The following CTNNA3 variants were observed in gnomAD, a reference collection of about 807,000 sequenced individuals.
CTNNA3 encodes the protein catenin alpha-3.
A neutral mutation model predicts 95.7 loss-of-function variants in CTNNA3; 76 were observed. That is an observed-to-expected ratio of 0.79 (90% CI 0.66 to 0.96). The LOEUF (loss-of-function observed/expected upper bound fraction) is 0.96, where lower values mean the gene tolerates loss of function less well. CTNNA3 is among the 40% of genes least tolerant of loss of function. The pLI is 0.00. For synonymous variants in CTNNA3, 431 were observed against 374.4 expected (o/e 1.15, Z -1.74); for missense variants, 1,191 against 1,089.8 (o/e 1.09, Z -1.31).
At chr10:66,519,132 A>C (rs1840965587) in intron 11 of CTNNA3, among the ~76,000 whole-genome samples, 1 of 152,138 alleles carries the variant, frequency 6.6e-6, no homozygotes, top group African/African-American at 2.4e-5. Context: ...TGTATATATA[A>C]TTTATTTTAG....
chr10:66,681,655 G>A (rs1293559267), intron 9 of CTNNA3, among the ~76,000 whole-genome samples: 3 of 152,142 alleles, frequency 2.0e-5, no homozygotes, highest in African/African-American at 7.2e-5. Flanking sequence ...ATAAGGATAT[G>A]ATGTACTATA....
At chr10:66,628,734 A>C (rs2132337118) in intron 9 of CTNNA3, among the ~76,000 whole-genome samples, 1 of 152,268 alleles carries the variant, frequency 6.6e-6, no homozygotes, top group East Asian at 1.9e-4. Context: ...AAAACTACAA[A>C]GTCACTAGCC....
intron 5 of CTNNA3, among the ~76,000 whole-genome samples, chr10:67,399,066 T>C (rs1433651914): frequency 6.6e-6 from 1 of 152,052 alleles, no homozygotes; most frequent in Non-Finnish European, 1.5e-5. Flanking sequence ...TCATCCTTGT[T>C]GTCTTCACAC....
At chr10:66,473,324 T>A (rs936266736) in intron 11 of CTNNA3, among the ~76,000 whole-genome samples, 1 of 151,850 alleles carries the variant, frequency 6.6e-6, no homozygotes, top group African/African-American at 2.4e-5. Context: ...TATCATGAGA[T>A]CTGATGGTTT....
intron 7 of CTNNA3, among the ~76,000 whole-genome samples, chr10:66,894,644 T>G (rs1442382784): frequency 1.3e-5 from 2 of 152,038 alleles, no homozygotes; most frequent in African/African-American, 4.8e-5. Flanking sequence ...AAAAATTAAT[T>G]TTCTTATTCC....
Position 66,446,565 on chromosome 10 carries a change from G to GA in CTNNA3, c.1532-67214dup, listed in dbSNP as rs1434328545. 7.3e-5 allele frequency among the ~76,000 whole-genome samples: 11 copies of GA among 151,660 alleles called. No individual in the cohort carries two copies. The East Asian group carries it at 1.9e-3, about 27-fold the overall frequency. ...AATCCAGCATATAAACAGAACCAAA[G>GA]ACAAAAACCACATGATTATCTCAAT... On this transcript the variant is annotated intron_variant, in intron 11 of 17. Transcript: ENST00000433211.
chr10:67,580,884 C>G (rs1209656459), intron 3 of CTNNA3, among the ~76,000 whole-genome samples: 21 of 152,196 alleles, frequency 1.4e-4, no homozygotes, highest in African/African-American at 4.8e-4. Flanking sequence ...TATAGGAATG[C>G]TTGTGATTTT....
intron 1 of CTNNA3, among the ~76,000 whole-genome samples, chr10:67,650,800 G>A (rs1382020043): frequency 6.6e-6 from 1 of 152,098 alleles, no homozygotes; most frequent in African/African-American, 2.4e-5. Context: ...TGGCAGCAAA[G>A]GAGAGGGATG....
intron 7 of CTNNA3, among the ~76,000 whole-genome samples, chr10:66,866,624 C>T (rs542024836): frequency 2.8e-4 from 42 of 152,284 alleles, no homozygotes; most frequent in Non-Finnish European, 5.7e-4. Flanking sequence ...ATGTACACAT[C>T]TACCAAGAAC....
At chr10:67,497,869 C>G (rs1231240774) in intron 5 of CTNNA3, among the ~76,000 whole-genome samples, 1 of 152,176 alleles carries the variant, frequency 6.6e-6, no homozygotes. Context: ...AAAATCTTCT[C>G]CCATTCAGTG....
intron 5 of CTNNA3, among the ~76,000 whole-genome samples, chr10:67,332,758 A>G (rs2132587981): frequency 6.6e-6 from 1 of 152,252 alleles, no homozygotes; most frequent in South Asian, 2.1e-4. Context: ...GTCCACTCTC[A>G]ATAAGAAGGT....
chr10:67,716,603 A>T (rs1452437409), intron 1 of CTNNA3, among the ~76,000 whole-genome samples: 1 of 152,306 alleles, frequency 6.6e-6, no homozygotes, highest in East Asian at 1.9e-4. Context: ...TAGTTTGCTG[A>T]CAACGATGGT....
intron 12 of CTNNA3, among the ~76,000 whole-genome samples, chr10:66,340,545 C>G (rs1038565377): frequency 6.6e-6 from 1 of 151,628 alleles, no homozygotes; most frequent in Non-Finnish European, 1.5e-5. Context: ...CAGGAAGGAG[C>G]CTATACTATT....
chr10:66,426,842 A>G (rs549543717), intron 11 of CTNNA3, among the ~76,000 whole-genome samples: 1 of 151,832 alleles, frequency 6.6e-6, no homozygotes, highest in Admixed American at 6.6e-5. Context: ...TCTTTGTGGG[A>G]TTCCTTTGAT....
intron 5 of CTNNA3, among the ~76,000 whole-genome samples, chr10:67,404,562 G>C (rs1272068613): frequency 6.6e-6 from 1 of 152,104 alleles, no homozygotes; most frequent in African/African-American, 2.4e-5. Flanking sequence ...ATTATGTAAA[G>C]AGACTGAATC....
intron 11 of CTNNA3, among the ~76,000 whole-genome samples, chr10:66,502,183 T>G (rs1840299442): frequency 6.6e-6 from 1 of 152,122 alleles, no homozygotes; most frequent in Non-Finnish European, 1.5e-5. Context: ...CACAAAGCAT[T>G]TTTTAAACTG....
At chr10:67,434,872 T>C (rs1289842615) in intron 5 of CTNNA3, among the ~76,000 whole-genome samples, 4 of 152,014 alleles carry the variant, frequency 2.6e-5, no homozygotes, top group Non-Finnish European at 5.9e-5. Context: ...AAAGTATTAC[T>C]GTTTCATATC....
At chr10:65,979,997 C>A (rs114887942) in intron 16 of CTNNA3, among the ~76,000 whole-genome samples, 20 of 151,828 alleles carry the variant, frequency 1.3e-4, no homozygotes, top group African/African-American at 4.8e-4. Flanking sequence ...AAATTGAAAC[C>A]AACCAACACA....
intron 9 of CTNNA3, among the ~76,000 whole-genome samples, chr10:66,682,199 A>C (rs1847089359): frequency 6.6e-6 from 1 of 152,146 alleles, no homozygotes; most frequent in African/African-American, 2.4e-5. Flanking sequence ...AAATGTGTAA[A>C]ATCTAAGAGG....
Sources: allele counts gnomAD v4.1 joint callset (sites outside exome capture counted in the v4.1 genomes callset), GRCh38; gene constraint gnomAD v4.1.1; transcripts MANE v1.5; gene names NCBI Gene and HGNC (gene_info 2026-07-23, HGNC 2026-07-21).